The following BAZ2A variants were observed in gnomAD, a reference collection of about 807,000 sequenced individuals.
BAZ2A encodes bromodomain adjacent to zinc finger domain 2A.
BAZ2A carries 34 observed loss-of-function variants against 199.9 expected under a neutral mutation model. The observed-to-expected ratio is 0.17, with a 90% CI of 0.13 to 0.23. BAZ2A has a LOEUF of 0.23. BAZ2A is among the 10% of genes least tolerant of loss of function. BAZ2A has a pLI of 1.00. For missense variants in BAZ2A, 2,002 were observed against 2,391.1 expected (o/e 0.84, Z 3.39); for synonymous variants, 857 against 883.9 (o/e 0.97, Z 0.54).
chr12:56,611,833 G>A lies in BAZ2A; in HGVS notation c.1549C>T (p.Leu517=). ...TCTTCCACGTCAGCAGTGGTTTCTAGAAAGCTGCTGACATCCTTATTTGCT... is the reference window on the plus strand; with the variant it reads ...TCTTCCACGTCAGCAGTGGTTTCTAAAAAGCTGCTGACATCCTTATTTGCT... ...SPANKDVSSF[L]ETTADVEEIT... Residue 517 remains leucine, a synonymous_variant, in exon 6 of 29, where the codon CTA becomes TTA. Coordinates refer to ENST00000549884, the MANE Select transcript of BAZ2A (RefSeq NM_001300905.2). 1 of 1,582,632 alleles carries A rather than the reference G, an allele frequency of 6.3e-7. No homozygotes were observed.
intron 25 of BAZ2A, 50 bp from the exon 26 acceptor site, chr12:56,599,898 C>A (rs1178678969): frequency 6.2e-7 from 1 of 1,613,156 alleles, no homozygotes; most frequent in African/African-American, 1.3e-5. Flanking sequence ...CCTCTACCTG[C>A]CAGTGACCCC....
chr12:56,605,278 G>A lies in BAZ2A; in HGVS notation c.2543C>T (p.Ala848Val), dbSNP rs1397418516. 1.9e-6 allele frequency: 3 copies of A among 1,613,566 alleles called. No homozygotes were observed. The highest frequency in any genetic ancestry group is 1.3e-5 in the African/African-American group (1 of 74,910). ...CACAATGGTCAAGCAGTCTGAGAAG[G>A]CTCCACTGGGCAATGTCAGACCAGG... ...RVPGLTLPSGAFSDCLTIVEF... is the reference protein window; with the variant it reads ...RVPGLTLPSGVFSDCLTIVEF... Residue 848 changes from alanine to valine, a missense_variant, in exon 14 of 29, where the codon GCC becomes GTC. By Grantham distance (64) the Ala-to-Val change is moderately conservative. Transcript: ENST00000549884.
rs780552800 is a variant in BAZ2A at position 56,613,055 on chromosome 12, A to C, written c.1095T>G (p.Ser365Arg). The C allele has an allele frequency of 6.2e-7, 1 of 1,613,868 alleles. No homozygotes were observed. The highest frequency in any genetic ancestry group is 8.5e-7 in the Non-Finnish European group (1 of 1,179,884). Residue 365 changes from serine (S) to arginine (R), a missense_variant, in exon 5 of 29, where the codon AGT becomes AGG. Physicochemically the swap from Ser to Arg is moderately radical, Grantham distance 110 (BLOSUM62 -1). Coordinates refer to ENST00000549884, the MANE Select transcript of BAZ2A (RefSeq NM_001300905.2). The part of the protein sequence containing the change: ...DSQTSTSIFA[S>R]PTSPPVLGES... ...CCCCTAGGACAGGTGGAGAGGTGGGACTGGCAAAGATAGAGGTTGATGTTT... is the reference window on the plus strand; with the variant it reads ...CCCCTAGGACAGGTGGAGAGGTGGGCCTGGCAAAGATAGAGGTTGATGTTT...
At position 56,601,113 on chromosome 12, in the gene BAZ2A, G is replaced by C. The variant is rs762591262; in HGVS notation, c.4295-15C>G. 2 of 1,613,772 alleles carry C rather than the reference G, an allele frequency of 1.2e-6. No homozygotes were observed. Among genetic ancestry groups the C allele is most frequent in the South Asian group, 1.1e-5 (1 of 91,056 alleles). ...TGAGCACATCTCTGTGAGCAGATGA[G>C]ATATATGTGGGGCGCCAGCTGTGAA... On this transcript the variant is annotated splice_polypyrimidine_tract_variant and intron_variant, in intron 21 of 28. Coordinates refer to ENST00000549884, the MANE Select transcript of BAZ2A (RefSeq NM_001300905.2).
At chr12:56,628,402 G>A (rs548153245) in intron 1 of BAZ2A, among the ~76,000 whole-genome samples, 279 of 152,134 alleles carry the variant, frequency 1.8e-3, no homozygotes, top group Non-Finnish European at 2.6e-3. Context: ...GACTTTGCAG[G>A]GAACAGAGGA....
intron 1 of BAZ2A, chr12:56,636,064 CCT>C: frequency 7.8e-7 from 1 of 1,275,764 alleles, no homozygotes; most frequent in Non-Finnish European, 1.1e-6. Context: ...CCCCCAGAGT[CCT>C]GTTTCCTCTC....
At chr12:56,636,132 A>C in intron 1 of BAZ2A, 1 of 1,553,392 alleles carries the variant, frequency 6.4e-7, no homozygotes, top group Non-Finnish European at 8.8e-7. Context: ...TCAGCCAGGG[A>C]GGGAGTAGGC....
intron 20 of BAZ2A, 52 bp downstream of exon 20, chr12:56,601,494 G>C: frequency 6.3e-7 from 1 of 1,596,410 alleles, no homozygotes; most frequent in East Asian, 2.2e-5. Flanking sequence ...CCAGGCAATG[G>C]TGCCTGTGGC....
At position 56,601,987 on chromosome 12, in the gene BAZ2A, C is replaced by T. The variant is rs1342810572; in HGVS notation, c.3630G>A (p.Gln1210=). ...PRHLKSPVRG[Q]DSEQPQAQLQ... ...GCTGGGCCTGGGGCTGTTCTGAATC[C>T]TGACCCCTGACAGGGGACTTAAGAT... Residue 1210 remains glutamine, a synonymous_variant, in exon 20 of 29, where the codon CAG becomes CAA. Coordinates refer to ENST00000549884, the MANE Select transcript of BAZ2A (RefSeq NM_001300905.2). 1.3e-6 allele frequency: 2 copies of T among 1,556,808 alleles called. No individual in the cohort carries two copies. Among genetic ancestry groups the T allele is most frequent in the South Asian group, 1.2e-5 (1 of 85,288 alleles).
At chr12:56,634,450 T>A (rs1447350232), upstream of BAZ2A, among the ~76,000 whole-genome samples, 1 of 151,796 alleles carries the variant, frequency 6.6e-6, no homozygotes, top group African/African-American at 2.4e-5. Context: ...TAGGGTGGGG[T>A]GAGGACTACA....
Position 56,604,585 on chromosome 12 carries a change from T to C in BAZ2A, c.2963A>G (p.Asn988Ser). The change falls in exon 15 of 29, where the codon AAT becomes AGT. Residue 988 changes from asparagine (N) to serine (S), a missense_variant and splice_region_variant. Transcript: ENST00000549884. ...HELNGSTLII[N>S]EIDKTLESMS... is the part of the protein sequence containing the mutation. ...ACCATCCCCACTCCCAGCCTCTCAC[T>C]TGATGATGAGGGTGGAGCCATTGAG... 1 of 1,576,930 alleles carries C rather than the reference T, an allele frequency of 6.3e-7. No individual in the cohort carries two copies. Among genetic ancestry groups the C allele is most frequent in the Non-Finnish European group, 8.6e-7 (1 of 1,160,554 alleles).
At chr12:56,622,803 T>C (rs1490389816) in intron 1 of BAZ2A, among the ~76,000 whole-genome samples, 2 of 152,202 alleles carry the variant, frequency 1.3e-5, no homozygotes, top group Non-Finnish European at 2.9e-5. Flanking sequence ...TAAGAGCTCC[T>C]ATGTTTCATT....
chr12:56,633,182 A>G (rs1951360289), upstream of BAZ2A, among the ~76,000 whole-genome samples: 1 of 151,762 alleles, frequency 6.6e-6, no homozygotes, highest in South Asian at 2.1e-4. Context: ...CACCTCCCTG[A>G]CTCTGGGGTC....
At chr12:56,617,364 C>A (rs1170240995) in intron 2 of BAZ2A, 31 bp downstream of exon 2, 2 of 1,560,616 alleles carry the variant, frequency 1.3e-6, no homozygotes, top group East Asian at 2.3e-5. Flanking sequence ...ATGCCCATTC[C>A]CTCCCCAGGC....
At chr12:56,608,842 T>A (rs1012874791) in intron 10 of BAZ2A, among the ~76,000 whole-genome samples, 9 of 150,596 alleles carry the variant, frequency 6.0e-5, no homozygotes, top group Non-Finnish European at 1.3e-4. Context: ...GTGGTGGGAT[T>A]ACAGGCGTGA....
chr12:56,604,313 G>A, intron 15 of BAZ2A, 22 bp from the exon 16 acceptor site: 1 of 1,595,278 alleles, frequency 6.3e-7, no homozygotes. Flanking sequence ...TAGGGAATAG[G>A]ATGAAGTGGC....
chr12:56,611,542 G>A, intron 7 of BAZ2A, 31 bp downstream of exon 7: 2 of 1,594,866 alleles, frequency 1.3e-6, no homozygotes, highest in African/African-American at 1.3e-5. Context: ...ACTTGTCAAG[G>A]TCAATAAATG....
upstream of BAZ2A, among the ~76,000 whole-genome samples, chr12:56,637,822 CCTA>C (rs1951481154): frequency 6.6e-6 from 1 of 151,726 alleles, no homozygotes; most frequent in South Asian, 2.1e-4. Flanking sequence ...AAACTGAGGC[CCTA>C]CTAAGATCAC....
chr12:56,613,045 G>C lies in BAZ2A; in HGVS notation c.1105C>G (p.Pro369Ala). Residue 369 changes from proline (P) to alanine (A), a missense_variant, in exon 5 of 29, where the codon CCA becomes GCA. This residue lies in a region of BAZ2A where 641 missense variants were observed against 694.5 expected (regional missense o/e 0.92). Coordinates refer to ENST00000549884, the MANE Select transcript of BAZ2A (RefSeq NM_001300905.2). ...AGGACAGACTCCCCTAGGACAGGTG[G>C]AGAGGTGGGACTGGCAAAGATAGAG... is the stretch of plus-strand genomic sequence containing the variant. ...STSIFASPTSPPVLGESVLQD... is the reference protein window; with the variant it reads ...STSIFASPTSAPVLGESVLQD... 1.2e-6 allele frequency: 2 copies of C among 1,613,786 alleles called. No individual in the cohort carries two copies. The highest frequency in any genetic ancestry group is 1.7e-4 in the Middle Eastern group (1 of 5,906).
Sources: gnomAD v4.1 joint callset for allele counts (sites outside exome capture counted in the v4.1 genomes callset) on GRCh38, gnomAD v4.1.1 for gene constraint, gnomAD v4.1.1 regional missense constraint, MANE v1.5 for transcripts, NCBI Gene and HGNC (gene_info 2026-07-23, HGNC 2026-07-21) for gene names.